The following RCSD1 variants were observed in gnomAD, a reference collection of about 807,000 sequenced individuals.
RCSD1 encodes capZ-interacting protein.
In RCSD1, 26 loss-of-function variants were observed where a neutral mutation model predicts 42.5. The ratio of observed to expected loss-of-function variants is 0.61; its 90% CI spans 0.45 to 0.85. RCSD1 has a LOEUF of 0.85. RCSD1 is among the 40% of genes least tolerant of loss of function. The probability of loss-of-function intolerance (pLI) is 0.00; values close to 1 mark genes in which losing one functional copy is unlikely to be tolerated. For missense variants in RCSD1, 571 were observed against 528.3 expected (o/e 1.08, Z -0.79); for synonymous variants, 220 against 212.2 (o/e 1.04, Z -0.32).
At chr1:167,680,123 G>A (rs148945230) in intron 1 of RCSD1, among the ~76,000 whole-genome samples, 3 of 152,188 alleles carry the variant, frequency 2.0e-5, no homozygotes, top group Non-Finnish European at 2.9e-5. Context: ...GCAAGACCTG[G>A]GCCCAGGAAG....
intron 1 of RCSD1, among the ~76,000 whole-genome samples, chr1:167,646,153 A>G (rs1658138890): frequency 6.6e-6 from 1 of 152,196 alleles, no homozygotes; most frequent in South Asian, 2.1e-4. Context: ...AGGAGCATGG[A>G]GAATTTTACT....
chr1:167,688,473 AC>A (rs1659291221), intron 3 of RCSD1, among the ~76,000 whole-genome samples: 1 of 152,072 alleles, frequency 6.6e-6, no homozygotes. Flanking sequence ...TGCTATAGGA[AC>A]ATACCCGACA....
At chr1:167,702,850 ATGT>A (rs1240540655) in intron 6 of RCSD1, among the ~76,000 whole-genome samples, 13 of 152,346 alleles carry the variant, frequency 8.5e-5, no homozygotes, top group Middle Eastern at 3.4e-3. Flanking sequence ...AACACTCATT[ATGT>A]ATCCAGTATT....
intron 3 of RCSD1, among the ~76,000 whole-genome samples, chr1:167,686,599 G>A (rs898272384): frequency 2.0e-5 from 3 of 152,204 alleles, no homozygotes; most frequent in Admixed American, 2.0e-4. Flanking sequence ...CTGACCAAGG[G>A]TCTTATTCTT....
In RCSD1 at chr1:167,697,712, A is replaced by G. The variant is rs1408946015; in HGVS notation, c.1088A>G (p.Lys363Arg). 5 of 1,595,528 alleles carry G rather than the reference A, an allele frequency of 3.1e-6. No individual in the cohort carries two copies. The highest frequency in any genetic ancestry group is 2.3e-5 in the East Asian group (1 of 44,386). ...GGAGTGAAGGGCGGAGATGTCCCCAAGCAGGAAAAAGGCAAGGAAAAACAA... is the reference window on the plus strand; with the variant it reads ...GGAGTGAAGGGCGGAGATGTCCCCAGGCAGGAAAAAGGCAAGGAAAAACAA... Reference protein sequence around the residue: ...PGGVKGGDVPKQEKGKEKQQE... With the variant: ...PGGVKGGDVPRQEKGKEKQQE... Residue 363 changes from lysine (K) to arginine (R), a missense_variant, in exon 6 of 7, where the codon AAG (lysine) becomes AGG (arginine). Coordinates refer to ENST00000367854, the MANE Select transcript of RCSD1 (RefSeq NM_052862.4).
At chr1:167,701,528 A>G (rs1048128307) in intron 6 of RCSD1, among the ~76,000 whole-genome samples, 2 of 151,422 alleles carry the variant, frequency 1.3e-5, no homozygotes, top group Non-Finnish European at 2.9e-5. Context: ...CTGGTCTTAC[A>G]CTCCTGACCT....
intron 6 of RCSD1, among the ~76,000 whole-genome samples, chr1:167,703,064 C>T (rs1306422090): frequency 3.3e-5 from 5 of 152,182 alleles, no homozygotes; most frequent in Admixed American, 2.6e-4. Context: ...TGATGAAATA[C>T]ATCCTTCTCT....
At chr1:167,660,524 C>A (rs1378826709) in intron 1 of RCSD1, among the ~76,000 whole-genome samples, 1 of 151,558 alleles carries the variant, frequency 6.6e-6, no homozygotes, top group African/African-American at 2.4e-5. Flanking sequence ...GGCTGGAGTG[C>A]AGTCATAGCT....
intron 3 of RCSD1, among the ~76,000 whole-genome samples, chr1:167,686,200 T>C (rs1357180307): frequency 3.3e-5 from 5 of 152,312 alleles, no homozygotes; most frequent in South Asian, 2.1e-4. Context: ...ACTGTGGTCA[T>C]AGTCTGTGCC....
At chr1:167,640,605 A>G (rs138448072) in intron 1 of RCSD1, 6,332 of 152,462 alleles carry the variant, frequency 0.042, 177 homozygotes, top group African/African-American at 0.075. Context: ...GCTGGAATGC[A>G]GTGGCACAAT....
chr1:167,677,007 G>C (rs376253940), intron 1 of RCSD1, among the ~76,000 whole-genome samples: 1 of 152,224 alleles, frequency 6.6e-6, no homozygotes, highest in Non-Finnish European at 1.5e-5. Context: ...CAGTTGCAGA[G>C]ACCAAGGACC....
At chr1:167,637,856 G>A (rs1004604150) in intron 1 of RCSD1, among the ~76,000 whole-genome samples, 2 of 151,980 alleles carry the variant, frequency 1.3e-5, no homozygotes, top group African/African-American at 2.4e-5. Context: ...AAAAGTCAGC[G>A]TTTCTCCTGC....
chr1:167,665,536 C>T (rs1217334446), intron 1 of RCSD1, among the ~76,000 whole-genome samples: 2 of 152,132 alleles, frequency 1.3e-5, no homozygotes, highest in Non-Finnish European at 2.9e-5. Context: ...CGAGCAGCTA[C>T]CAAAATATTT....
At chr1:167,637,669 AC>A (rs1162659892) in intron 1 of RCSD1, among the ~76,000 whole-genome samples, 1 of 151,996 alleles carries the variant, frequency 6.6e-6, no homozygotes, top group Non-Finnish European at 1.5e-5. Context: ...GTTCAAGCTC[AC>A]CAAAAAGCCA....
At chr1:167,676,849 C>T (rs1658963875) in intron 1 of RCSD1, among the ~76,000 whole-genome samples, 1 of 152,206 alleles carries the variant, frequency 6.6e-6, no homozygotes, top group African/African-American at 2.4e-5. Flanking sequence ...ACAGCTAAAC[C>T]CTGTCCGTAA....
At chr1:167,662,657 G>A (rs558388245) in intron 1 of RCSD1, among the ~76,000 whole-genome samples, 26 of 152,292 alleles carry the variant, frequency 1.7e-4, no homozygotes, top group African/African-American at 6.0e-4. Flanking sequence ...TAAAAGGACC[G>A]TATCATATTG....
In RCSD1 at chr1:167,651,380, C is replaced by T. The variant is rs140462728; in HGVS notation, c.6+20951C>T. Among the ~76,000 whole-genome samples, 371 of 152,300 alleles carry T rather than the reference C, an allele frequency of 2.4e-3. 1 individual carries two copies. Among genetic ancestry groups the T allele is most frequent in the African/African-American group, 8.4e-3 (348 of 41,572 alleles). The stretch of plus-strand genomic sequence containing the variant: ...TCTGGGTCCCACCTTTCCCTTCATG[C>T]CTGGCTCCTTCTGTCATGCCTGCCC... On this transcript the variant is annotated intron_variant, in intron 1 of 6. Coordinates refer to ENST00000367854, the MANE Select transcript of RCSD1 (RefSeq NM_052862.4).
intron 6 of RCSD1, among the ~76,000 whole-genome samples, chr1:167,704,119 C>T (rs879874490): frequency 2.0e-5 from 3 of 152,154 alleles, no homozygotes; most frequent in Admixed American, 6.5e-5. Context: ...GTAATACCTT[C>T]GGAATGACTG....
chr1:167,671,942 C>T (rs554335847), intron 1 of RCSD1, among the ~76,000 whole-genome samples: 2 of 152,312 alleles, frequency 1.3e-5, no homozygotes, highest in East Asian at 1.9e-4. Flanking sequence ...TCTGCTTACC[C>T]TTCAGGCTTG....
Sources: allele counts gnomAD v4.1 joint callset (sites outside exome capture counted in the v4.1 genomes callset), GRCh38; gene constraint gnomAD v4.1.1; transcripts MANE v1.5; gene names NCBI Gene and HGNC (gene_info 2026-07-23, HGNC 2026-07-21).